ALG12: variants seen among roughly 807,000 people sequenced by gnomAD.
ALG12 encodes the protein dol-P-Man:Man(7)GlcNAc(2)-PP-Dol alpha-1,6-mannosyltransferase.
A neutral mutation model predicts 46.0 loss-of-function variants in ALG12; 36 were observed. That is an observed-to-expected ratio of 0.78 (90% CI 0.60 to 1.03). The LOEUF is 1.03. Among genes scored for constraint, ALG12 ranks in the 50% least tolerant of loss-of-function variants. The pLI, the probability that ALG12 is intolerant of heterozygous loss-of-function variation, is 0.00. For missense variants in ALG12, 599 were observed against 633.5 expected (o/e 0.95, Z 0.58); for synonymous variants, 326 against 291.6 (o/e 1.12, Z -1.20).
chr22:49,907,991 C>A, intron 6 of ALG12, 47 bp from the exon 7 acceptor site: 1 of 1,588,644 alleles, frequency 6.3e-7, no homozygotes. Context: ...CGCATGAGCC[C>A]GTGGGCTAGG....
At chr22:49,893,945 C>A in the ALG12 span, among the ~76,000 whole-genome samples, 1 of 152,156 alleles carries the variant, frequency 6.6e-6, no homozygotes, top group Non-Finnish European at 1.5e-5. Flanking sequence ...AGGCGGATCA[C>A]CTGAGGTCAG....
chr22:49,910,473 A>G lies in ALG12; in HGVS notation c.430T>C (p.Cys144Arg). 1 of 1,613,842 alleles carries G rather than the reference A, an allele frequency of 6.2e-7. No homozygotes were observed. Among genetic ancestry groups the G allele is most frequent in the Non-Finnish European group, 8.5e-7 (1 of 1,180,040 alleles). Residue 144 changes from cysteine to arginine, a missense_variant, in exon 4 of 10, where the codon TGC (cysteine) becomes CGC (arginine). Physicochemically the swap from Cys to Arg is radical, Grantham distance 180. Transcript: ENST00000330817. ...AGCACATTGGGCAGTGTCCGCGTGC[A>G]GTAGAACATCAGGTGGAACTGCATG... ...TAMQFHLMFYCTRTLPNVLAL... is the reference protein window; with the variant it reads ...TAMQFHLMFYRTRTLPNVLAL...
rs373391053 is a variant in ALG12, at chr22:49,909,196, G to T, written c.768+48C>A. The T allele has an allele frequency of 1.2e-4, 192 of 1,572,298 alleles. 1 individual carries two copies. The African/African-American group carries it at 2.4e-3, about 20-fold the overall frequency. ...CTGCCCATGGAGGCCCAGGAGATGT[G>T]GCTGCAGGTCCCACCCATCGCCCTC... On this transcript the variant is annotated intron_variant, in intron 6 of 9. Transcript: ENST00000330817.
the ALG12 span, among the ~76,000 whole-genome samples, chr22:49,866,807 A>G: frequency 6.6e-6 from 1 of 152,192 alleles, no homozygotes; most frequent in African/African-American, 2.4e-5. Flanking sequence ...GTGGCTTCAC[A>G]CAAACGGAAA....
the ALG12 span, chr22:49,883,817 C>G: frequency 6.2e-7 from 1 of 1,612,840 alleles, no homozygotes; most frequent in South Asian, 1.1e-5. Flanking sequence ...ATGAAGCAGA[C>G]AGACAGCGGT....
chr22:49,909,586 C>G (rs1057358583), intron 5 of ALG12, among the ~76,000 whole-genome samples: 2 of 152,108 alleles, frequency 1.3e-5, no homozygotes, highest in Non-Finnish European at 2.9e-5. Flanking sequence ...AGAAAAAAGA[C>G]ACCAACTGTG....
chr22:49,897,031 C>T (rs1415277457), downstream of ALG12, among the ~76,000 whole-genome samples: 1 of 151,932 alleles, frequency 6.6e-6, no homozygotes, highest in African/African-American at 2.4e-5. Flanking sequence ...TCCCTGCCAG[C>T]CCCGGTCTTT....
chr22:49,882,094 G>A, the ALG12 span, among the ~76,000 whole-genome samples: 18 of 152,150 alleles, frequency 1.2e-4, no homozygotes, highest in African/African-American at 2.7e-4. Flanking sequence ...GGTGACTTCA[G>A]TTCTTGGTTC....
the ALG12 span, among the ~76,000 whole-genome samples, chr22:49,879,213 C>T: frequency 1.4e-3 from 218 of 151,432 alleles, 10 homozygotes; most frequent in South Asian, 0.043. Context: ...TAACTTGCGC[C>T]TCCCGGGTTC....
intron 6 of ALG12, among the ~76,000 whole-genome samples, chr22:49,908,697 A>C (rs1208786902): frequency 6.8e-6 from 1 of 146,430 alleles, no homozygotes; most frequent in Non-Finnish European, 1.5e-5. Flanking sequence ...CACACCTGTA[A>C]TCCCAGCACT....
intron 6 of ALG12, 60 bp from the exon 7 acceptor site, chr22:49,908,004 G>A (rs1340424129): frequency 1.5e-5 from 24 of 1,555,194 alleles, no homozygotes; most frequent in Non-Finnish European, 2.1e-5. Context: ...GGGCTAGGTG[G>A]CAGGGTCAAG....
At chr22:49,867,745 T>C in the ALG12 span, among the ~76,000 whole-genome samples, 114 of 152,338 alleles carry the variant, frequency 7.5e-4, 1 homozygote, top group Middle Eastern at 0.014. Context: ...CTTGTAATAC[T>C]GACTGCAAGG....
Position 49,910,094 on chromosome 22 carries a change from A to T in ALG12, c.470-6T>A. 6.2e-7 allele frequency: 1 copy of T among 1,601,076 alleles called. No individual in the cohort carries two copies. The highest frequency in any genetic ancestry group is 2.3e-5 in the East Asian group (1 of 44,268). On this transcript the variant is annotated splice_region_variant and splice_polypyrimidine_tract_variant and intron_variant, in intron 4 of 9. Coordinates refer to ENST00000330817, the MANE Select transcript of ALG12 (RefSeq NM_024105.4). ...GGCCGCGAGGGCCAGCAGGACTGCA[A>T]GACAGTGCGGGAGGGTGCTCGTCAA... is the stretch of plus-strand genomic sequence containing the variant.
the ALG12 span, among the ~76,000 whole-genome samples, chr22:49,894,243 A>C: frequency 6.6e-6 from 1 of 152,222 alleles, no homozygotes; most frequent in Non-Finnish European, 1.5e-5. Flanking sequence ...ATGTTGATGA[A>C]ACTGGACTAA....
At chr22:49,895,556 G>A (rs980242992), downstream of ALG12, among the ~76,000 whole-genome samples, 1 of 151,974 alleles carries the variant, frequency 6.6e-6, no homozygotes, top group Non-Finnish European at 1.5e-5. Context: ...GGAGGCTGAA[G>A]CAGGAGAATC....
Position 49,907,759 on chromosome 22 carries a change from G to T in ALG12, c.954C>A (p.Pro318=). The T allele has an allele frequency of 1.2e-6, 2 of 1,614,132 alleles. No homozygotes were observed. The highest frequency in any genetic ancestry group is 1.7e-6 in the Non-Finnish European group (2 of 1,180,036). Residue 318 remains proline, a synonymous_variant, in exon 7 of 10, where the codon CCC becomes CCA. Transcript: ENST00000330817. The part of the protein sequence containing the change: ...KELRFIIYAF[P]MLNITAARGC... ...CTCTGGCAGCCGTGATGTTGAGCAT[G>T]GGGAAGGCATAGATGATGAAGCGTA...
the ALG12 span, among the ~76,000 whole-genome samples, chr22:49,881,280 C>T: frequency 4.6e-5 from 7 of 152,246 alleles, no homozygotes; most frequent in African/African-American, 2.4e-5. Context: ...ACCCAGGAAG[C>T]GGAGGTTGCG....
the ALG12 span, chr22:49,884,341 G>C: frequency 3.1e-6 from 5 of 1,613,428 alleles, no homozygotes; most frequent in African/African-American, 6.7e-5. Context: ...AGAGGAGTCT[G>C]TGTCTGTAGT....
intron 7 of ALG12, among the ~76,000 whole-genome samples, chr22:49,907,458 G>T (rs776617027): frequency 6.6e-6 from 1 of 152,156 alleles, no homozygotes; most frequent in Non-Finnish European, 1.5e-5. Context: ...TGACATAAGC[G>T]CCTAGTTCAA....
Sources: allele counts gnomAD v4.1 joint callset (sites outside exome capture counted in the v4.1 genomes callset), GRCh38; gene constraint gnomAD v4.1.1; transcripts MANE v1.5; gene names NCBI Gene and HGNC (gene_info 2026-07-23, HGNC 2026-07-21).